DCTN3: variants seen among roughly 807,000 people sequenced by gnomAD.
The protein encoded by DCTN3 is dynactin 3 (p22).
In DCTN3, 25 loss-of-function variants were observed where a neutral mutation model predicts 28.4. The ratio of observed to expected loss-of-function variants is 0.88; its 90% CI spans 0.64 to 1.23. DCTN3 has a LOEUF of 1.23. Ranked by LOEUF, DCTN3 falls within the 50% of genes most tolerant of loss-of-function variation. The pLI, the probability that DCTN3 is intolerant of heterozygous loss-of-function variation, is 0.00. For missense variants in DCTN3, 229 were observed against 232.0 expected, an observed-to-expected ratio of 0.99 and a Z score of 0.08; for synonymous variants, 81 against 91.4, an observed-to-expected ratio of 0.89 and a Z score of 0.65.
chr9:34,617,796 A>T, intron 3 of DCTN3, 89 bp downstream of exon 3: 1 of 1,575,612 alleles, frequency 6.3e-7, no homozygotes, highest in Non-Finnish European at 8.6e-7. Flanking sequence ...TGTATCCACC[A>T]GAAGACTGGA....
In DCTN3 at chr9:34,613,589, G is replaced by T; in HGVS notation, c.*193C>A. 1 of 518,220 alleles carries T rather than the reference G, an allele frequency of 1.9e-6. No individual in the cohort carries two copies. The highest frequency in any genetic ancestry group is 3.4e-6 in the Non-Finnish European group (1 of 298,478). 32.1% of individuals were successfully genotyped at this position (518,220 alleles called of 1,614,324 possible). On this transcript the variant is annotated 3_prime_UTR_variant, in exon 7 of 7. Coordinates refer to ENST00000259632, the MANE Select transcript of DCTN3 (RefSeq NM_007234.5). ...TTATTGTCACTGAAATAAGAACACT[G>T]ATTGGGGGGAGGGTGGGTGTTGCAA...
At position 34,617,865 on chromosome 9, in the gene DCTN3, C is replaced by T. The variant is rs746754046; in HGVS notation, c.268+20G>A. ...CGACCCACATCCTCAGATGCATGTA[C>T]ACATGTAGTCCAGCATTACCTGCTA... On this transcript the variant is annotated intron_variant, in intron 3 of 6. Coordinates refer to ENST00000259632, the MANE Select transcript of DCTN3 (RefSeq NM_007234.5). 1.9e-6 allele frequency: 3 copies of T among 1,613,408 alleles called. No homozygotes were observed. The highest frequency in any genetic ancestry group is 1.3e-5 in the African/African-American group (1 of 74,914).
chr9:34,614,290 CA>C, intron 5 of DCTN3, 189 bp from the exon 6 acceptor site: 1 of 1,364,404 alleles, frequency 7.3e-7, no homozygotes, highest in Non-Finnish European at 1.0e-6. Context: ...AACAGCAGTC[CA>C]AAGACGGATG....
chr9:34,620,471 T>C lies in DCTN3; in HGVS notation c.-7A>G, dbSNP rs777181060. ...AGTCAGTCAGACCCGCCATCGCTAC[T>C]ACCGACCCACCTCGGCCAGGAAACA... On this transcript the variant is annotated 5_prime_UTR_variant, in exon 1 of 7. Coordinates refer to ENST00000259632, the MANE Select transcript of DCTN3 (RefSeq NM_007234.5). 32 of 1,549,088 alleles carry C rather than the reference T, an allele frequency of 2.1e-5. 1 individual carries two copies. The South Asian group carries it at 3.8e-4, about 18-fold the overall frequency.
chr9:34,614,010 C>A, intron 6 of DCTN3, 32 bp downstream of exon 6: 1 of 1,604,354 alleles, frequency 6.2e-7, no homozygotes, highest in Non-Finnish European at 8.5e-7. Context: ...GGGACAGCAC[C>A]CATTAGGGTC....
At chr9:34,618,591 C>T (rs1820476815) in intron 2 of DCTN3, 85 bp downstream of exon 2, 2 of 998,678 alleles carry the variant, frequency 2.0e-6, no homozygotes, top group Admixed American at 3.4e-5. Context: ...TTCCAGTGAC[C>T]TAATGAACTG....
At position 34,620,368 on chromosome 9, in the gene DCTN3, C is replaced by T. The variant is rs1820527432; in HGVS notation, c.96+1G>A. The T allele has an allele frequency of 5.0e-6, 8 of 1,612,694 alleles. No homozygotes were observed. Among genetic ancestry groups the T allele is most frequent in the Non-Finnish European group, 6.8e-6 (8 of 1,179,736 alleles). The stretch of plus-strand genomic sequence containing the variant: ...AGGGACTACCGGACCAGACTACTCA[C>T]CTTCCGTGAGCCGCGCGCCCCGCCC... On this transcript the variant is annotated splice_donor_variant, in intron 1 of 6. Coordinates refer to ENST00000259632, the MANE Select transcript of DCTN3 (RefSeq NM_007234.5). LOFTEE classifies it high-confidence loss of function.
In DCTN3 at chr9:34,620,410, G is replaced by A; in HGVS notation, c.55C>T (p.Arg19Cys). The A allele has an allele frequency of 6.3e-7, 1 of 1,575,444 alleles. No homozygotes were observed. The highest frequency in any genetic ancestry group is 2.4e-5 in the East Asian group (1 of 42,536). ...RLQARVEELE[R>C]WVYGPGGARG... ...GCCCCGCCCGGCCCGTACACCCAGCGCTCCAGCTCTTCCACTCGGGCCTGT... is the reference window on the plus strand; with the variant it reads ...GCCCCGCCCGGCCCGTACACCCAGCACTCCAGCTCTTCCACTCGGGCCTGT... Residue 19 changes from arginine to cysteine, a missense_variant, in exon 1 of 7, where the codon CGC becomes TGC. Arg to Cys is a radical substitution (Grantham distance 180). Transcript: ENST00000259632.
In DCTN3 at chr9:34,613,714, C is replaced by G; in HGVS notation, c.*68G>C. 1.9e-6 allele frequency: 3 copies of G among 1,598,706 alleles called. No homozygotes were observed. The South Asian group carries it at 3.3e-5, about 18-fold the overall frequency. Reference sequence around the variant, plus strand: ...ATACAAAGCTTCCTCTGCCTTGTAACAAAGGCAGGTTGGCATAGGGCCCTG... The same window carrying G: ...ATACAAAGCTTCCTCTGCCTTGTAAGAAAGGCAGGTTGGCATAGGGCCCTG... On this transcript the variant is annotated 3_prime_UTR_variant, in exon 7 of 7. Transcript: ENST00000259632.
intron 2 of DCTN3, 92 bp from the exon 3 acceptor site, chr9:34,618,063 G>C (rs370483015): frequency 6.8e-6 from 9 of 1,322,540 alleles, no homozygotes; most frequent in African/African-American, 5.8e-5. Context: ...GCCTTGAGGA[G>C]AGCCTTCAAT....
At chr9:34,618,832 C>G in intron 1 of DCTN3, 72 bp from the exon 2 acceptor site, 1 of 1,217,336 alleles carries the variant, frequency 8.2e-7, no homozygotes, top group Non-Finnish European at 1.2e-6. Context: ...AAAGAACCCT[C>G]ATTCTCCCAG....
chr9:34,618,657 A>G lies in DCTN3; in HGVS notation c.181+19T>C, dbSNP rs1229944964. 6.2e-7 allele frequency: 1 copy of G among 1,604,632 alleles called. No individual in the cohort carries two copies. On this transcript the variant is annotated intron_variant, in intron 2 of 6. Coordinates refer to ENST00000259632, the MANE Select transcript of DCTN3 (RefSeq NM_007234.5). ...GGGGTGGGATGTCGGGCAGGCAGGC[A>G]CATCATGGAAGCACTTACTCTTTTT... is the stretch of plus-strand genomic sequence containing the variant.
chr9:34,614,303 A>G (rs940006443), intron 5 of DCTN3: 7 of 1,198,696 alleles, frequency 5.8e-6, no homozygotes, highest in Non-Finnish European at 8.1e-6. Flanking sequence ...AGACGGATGG[A>G]AAAGGGAGTG....
At chr9:34,613,949 G>T (rs1820361282) in intron 6 of DCTN3, 78 bp from the exon 7 acceptor site, 4 of 1,612,410 alleles carry the variant, frequency 2.5e-6, no homozygotes, top group Middle Eastern at 1.7e-4. Context: ...AACATAGGTG[G>T]GTAGGATAGG....
Position 34,618,660 on chromosome 9 carries a change from T to C in DCTN3, c.181+16A>G. The C allele has an allele frequency of 1.2e-6, 2 of 1,609,526 alleles. No homozygotes were observed. The highest frequency in any genetic ancestry group is 8.5e-7 in the Non-Finnish European group (1 of 1,175,870). ...GTGGGATGTCGGGCAGGCAGGCACATCATGGAAGCACTTACTCTTTTTGTA... is the reference window on the plus strand; with the variant it reads ...GTGGGATGTCGGGCAGGCAGGCACACCATGGAAGCACTTACTCTTTTTGTA... On this transcript the variant is annotated intron_variant, in intron 2 of 6. Coordinates refer to ENST00000259632, the MANE Select transcript of DCTN3 (RefSeq NM_007234.5).
intron 5 of DCTN3, 121 bp downstream of exon 5, chr9:34,614,589 C>A: frequency 2.6e-6 from 3 of 1,171,938 alleles, no homozygotes; most frequent in African/African-American, 1.5e-5. Flanking sequence ...AAAGGATAAA[C>A]CCCAAAGTTT....
chr9:34,619,917 TCA>T (rs1174289306), intron 1 of DCTN3, among the ~76,000 whole-genome samples: 1 of 152,188 alleles, frequency 6.6e-6, no homozygotes, highest in Non-Finnish European at 1.5e-5. Context: ...CCTGGTCCTT[TCA>T]GACCTCACTT....
At chr9:34,617,863 T>C in intron 3 of DCTN3, 22 bp downstream of exon 3, 3 of 1,613,478 alleles carry the variant, frequency 1.9e-6, no homozygotes, top group Non-Finnish European at 2.5e-6. Context: ...CAGATGCATG[T>C]ACACATGTAG....
chr9:34,620,326 C>G (rs766278824), intron 1 of DCTN3, 43 bp downstream of exon 1: 4 of 1,582,202 alleles, frequency 2.5e-6, no homozygotes, highest in South Asian at 1.1e-5. Context: ...GTGGACCGCT[C>G]TTGCTCTGCT....
Sources: gnomAD v4.1 joint callset for allele counts (sites outside exome capture counted in the v4.1 genomes callset) on GRCh38, gnomAD v4.1.1 for gene constraint, MANE v1.5 for transcripts, NCBI Gene and HGNC (gene_info 2026-07-23, HGNC 2026-07-21) for gene names.